GALNT11: variants seen among roughly 807,000 people sequenced by gnomAD.
GALNT11 encodes the protein UDP-GalNAc:polypeptide N-acetylgalactosaminyltransferase 11.
A neutral mutation model predicts 72.7 loss-of-function variants in GALNT11; 47 were observed. That is an observed-to-expected ratio of 0.65 (90% confidence interval 0.51 to 0.82). GALNT11 has a LOEUF of 0.82. GALNT11 is among the 40% of genes least tolerant of loss of function. GALNT11 has a pLI of 0.00. For missense variants in GALNT11, 677 were observed against 778.4 expected, an observed-to-expected ratio of 0.87 and a Z score of 1.55; for synonymous variants, 270 against 286.6, an observed-to-expected ratio of 0.94 and a Z score of 0.58.
At chr7:152,089,113 G>A (rs2129031785) in intron 1 of GALNT11, among the ~76,000 whole-genome samples, 1 of 152,196 alleles carries the variant, frequency 6.6e-6, no homozygotes, top group South Asian at 2.1e-4. Context: ...AGAGTTTAGG[G>A]TTTTTATGGA....
intron 1 of GALNT11, among the ~76,000 whole-genome samples, chr7:152,061,691 A>G (rs2084026323): frequency 6.6e-6 from 1 of 151,040 alleles, no homozygotes; most frequent in Non-Finnish European, 1.5e-5. Flanking sequence ...CTTTCTACTT[A>G]TGGCTAGCCA....
chr7:152,066,051 G>GAGGC (rs2129003980), intron 1 of GALNT11, among the ~76,000 whole-genome samples: 1 of 152,366 alleles, frequency 6.6e-6, no homozygotes, highest in East Asian at 1.9e-4. Flanking sequence ...GGAGTCTACA[G>GAGGC]AGGCAGGCAG....
rs1021046645 is a variant in GALNT11, at chr7:152,111,724, TTTG to T, written c.1080+1082_1080+1084del. Among the ~76,000 whole-genome samples, 48 of 151,960 alleles carry T rather than the reference TTTG, an allele frequency of 3.2e-4. 2 individuals carry two copies. Among genetic ancestry groups the T allele is most frequent in the Non-Finnish European group, 1.5e-4 (10 of 68,010 alleles). Reference sequence around the variant, plus strand: ...ATGTCTTAATGTGCTAATTTAAAGGTTTGTTCTTTTTTTGTTGGTTTATTTTAT... The same window carrying T: ...ATGTCTTAATGTGCTAATTTAAAGGTTTCTTTTTTTGTTGGTTTATTTTAT... On this transcript the variant is annotated intron_variant, in intron 7 of 11. Transcript: ENST00000430044.
intron 1 of GALNT11, among the ~76,000 whole-genome samples, chr7:152,072,411 T>C (rs889827121): frequency 1.3e-5 from 2 of 152,188 alleles, no homozygotes; most frequent in African/African-American, 4.8e-5. Context: ...GTTATTGATA[T>C]CTTTTCTCAG....
intron 2 of GALNT11, among the ~76,000 whole-genome samples, chr7:152,099,259 T>A (rs547600672): frequency 1.3e-5 from 2 of 152,082 alleles, no homozygotes; most frequent in Non-Finnish European, 2.9e-5. Context: ...CTGCATTCTA[T>A]ATCTCAACCC....
At chr7:152,105,460 G>A (rs2129053551) in intron 5 of GALNT11, 90 bp downstream of exon 5, 1 of 1,514,956 alleles carries the variant, frequency 6.6e-7, no homozygotes, top group South Asian at 1.4e-5. Context: ...AGTCTATGAA[G>A]AGTAGTGTTT....
intron 10 of GALNT11, 116 bp from the exon 11 acceptor site, chr7:152,120,715 T>C (rs996844782): frequency 1.2e-6 from 1 of 858,440 alleles, no homozygotes. Flanking sequence ...GTAAGTCTAG[T>C]GCATTGGTCT....
At chr7:152,033,500 T>A (rs892063685) in intron 1 of GALNT11, among the ~76,000 whole-genome samples, 10 of 152,204 alleles carry the variant, frequency 6.6e-5, no homozygotes, top group African/African-American at 2.4e-4. Context: ...TTTTGGAGCT[T>A]TCTCCTGATA....
intron 1 of GALNT11, among the ~76,000 whole-genome samples, chr7:152,026,977 C>T (rs536473753): frequency 3.2e-4 from 48 of 152,290 alleles, no homozygotes; most frequent in Middle Eastern, 3.4e-3. Context: ...TAGCCGGGTG[C>T]GGTGGCTCAC....
chr7:152,114,935 G>C (rs1470687731), intron 8 of GALNT11, among the ~76,000 whole-genome samples: 1 of 152,224 alleles, frequency 6.6e-6, no homozygotes, highest in Non-Finnish European at 1.5e-5. Flanking sequence ...GAAGTGCACA[G>C]TAATTTTTCA....
At chr7:152,039,402 G>A (rs965341568) in intron 1 of GALNT11, among the ~76,000 whole-genome samples, 7 of 152,148 alleles carry the variant, frequency 4.6e-5, no homozygotes, top group Non-Finnish European at 1.0e-4. Flanking sequence ...ATTGCATCCA[G>A]GCATTGTTGC....
intron 1 of GALNT11, among the ~76,000 whole-genome samples, chr7:152,051,909 A>G (rs1219966378): frequency 3.3e-5 from 5 of 152,152 alleles, no homozygotes; most frequent in Non-Finnish European, 7.4e-5. Flanking sequence ...CATAATGTAA[A>G]ATTTATCATT....
chr7:152,072,809 G>A (rs1055055569), intron 1 of GALNT11, among the ~76,000 whole-genome samples: 6 of 152,218 alleles, frequency 3.9e-5, no homozygotes, highest in African/African-American at 1.4e-4. Context: ...GACCTCATGC[G>A]TAAAGGATAA....
intron 1 of GALNT11, among the ~76,000 whole-genome samples, chr7:152,079,054 A>G (rs2085161967): frequency 6.6e-6 from 1 of 152,250 alleles, no homozygotes; most frequent in Non-Finnish European, 1.5e-5. Context: ...AGGAAAGAGT[A>G]TGTGTAGGAT....
intron 1 of GALNT11, among the ~76,000 whole-genome samples, chr7:152,069,061 A>G (rs969962756): frequency 1.6e-4 from 24 of 152,132 alleles, no homozygotes; most frequent in African/African-American, 5.8e-4. Context: ...CTTTCTTCCT[A>G]ATATTTTCAT....
intron 1 of GALNT11, among the ~76,000 whole-genome samples, chr7:152,076,174 G>A (rs2129015268): frequency 6.6e-6 from 1 of 151,410 alleles, no homozygotes; most frequent in South Asian, 2.1e-4. Context: ...AGAAAAAGCA[G>A]TGTGCTTTTT....
chr7:152,104,493 C>G (rs1310321249), intron 4 of GALNT11: 1 of 152,138 alleles, frequency 6.6e-6, no homozygotes, highest in Non-Finnish European at 1.5e-5. Flanking sequence ...AAATCTGAGT[C>G]TGGACCACGT....
intron 1 of GALNT11, among the ~76,000 whole-genome samples, chr7:152,077,295 C>T (rs1327141576): frequency 6.6e-6 from 1 of 152,134 alleles, no homozygotes; most frequent in African/African-American, 2.4e-5. Context: ...TAAAGAATTA[C>T]TGGGTTAAGA....
intron 1 of GALNT11, among the ~76,000 whole-genome samples, chr7:152,070,893 G>A (rs969891068): frequency 2.0e-5 from 3 of 152,084 alleles, no homozygotes; most frequent in Non-Finnish European, 4.4e-5. Context: ...GCGTCCGGGG[G>A]ACACATCACA....
Sources: gnomAD v4.1 joint callset for allele counts (sites outside exome capture counted in the v4.1 genomes callset) on GRCh38, gnomAD v4.1.1 for gene constraint, MANE v1.5 for transcripts, NCBI Gene and HGNC (gene_info 2026-07-23, HGNC 2026-07-21) for gene names.